The following PRR23E variants were observed in gnomAD, a reference collection of about 807,000 sequenced individuals.
PRR23E encodes the protein PRR23 family member E.
the PRR23E span, chr3:127,197,326 C>T: frequency 6.3e-7 from 1 of 1,597,984 alleles, no homozygotes. Context: ...CCCCCTTCCC[C>T]CATTGAAGAT....
chr3:127,193,638 TCCCAGG>T, the PRR23E span, among the ~76,000 whole-genome samples: 1 of 152,066 alleles, frequency 6.6e-6, no homozygotes, highest in Admixed American at 6.5e-5. Context: ...TCTGCCCAGC[TCCCAGG>T]CCCGCCCTAG....
chr3:127,197,182 C>T, the PRR23E span: 7 of 1,592,606 alleles, frequency 4.4e-6, no homozygotes, highest in South Asian at 1.1e-5. Flanking sequence ...AGCTCAGCCC[C>T]CAGGGCTGCC....
chr3:127,197,301 G>T, the PRR23E span: 1 of 1,599,268 alleles, frequency 6.3e-7, no homozygotes, highest in South Asian at 1.1e-5. Flanking sequence ...CTGCAGTTCA[G>T]AGCTCCGCCC....
At chr3:127,194,343 A>T in the PRR23E span, among the ~76,000 whole-genome samples, 1 of 152,282 alleles carries the variant, frequency 6.6e-6, no homozygotes, top group East Asian at 1.9e-4. Flanking sequence ...AAAAAAAAAA[A>T]TCATTAAAAA....
the PRR23E span, among the ~76,000 whole-genome samples, chr3:127,195,864 C>T: frequency 6.6e-6 from 1 of 152,170 alleles, no homozygotes; most frequent in South Asian, 2.1e-4. Flanking sequence ...GAAACAGCTC[C>T]AAATTTCAAG....
At chr3:127,197,324 C>T in the PRR23E span, 10 of 1,598,400 alleles carry the variant, frequency 6.3e-6, 1 homozygote, top group South Asian at 9.9e-5. Flanking sequence ...TGCCCCCTTC[C>T]CCCATTGAAG....
the PRR23E span, chr3:127,197,383 G>T: frequency 2.6e-6 from 4 of 1,556,336 alleles, no homozygotes; most frequent in African/African-American, 2.7e-5. Context: ...CGGTCACCCT[G>T]CAGGGCCCGC....
chr3:127,195,112 C>T, the PRR23E span, among the ~76,000 whole-genome samples: 1,131 of 152,240 alleles, frequency 7.4e-3, 11 homozygotes, highest in African/African-American at 0.025. Context: ...CTCCAGTTTC[C>T]GCTGTAACTG....
chr3:127,197,166 C>G, the PRR23E span: 34 of 1,591,258 alleles, frequency 2.1e-5, no homozygotes, highest in Admixed American at 5.1e-5. Flanking sequence ...ATGCTGGACT[C>G]CAGCCAGCTC....
chr3:127,196,532 T>A, the PRR23E span: 317 of 999,392 alleles, frequency 3.2e-4, no homozygotes, highest in Non-Finnish European at 3.7e-4. Flanking sequence ...CCTCCTCCCA[T>A]CCCCTCCTGT....
At chr3:127,197,331 G>A in the PRR23E span, 1 of 1,597,552 alleles carries the variant, frequency 6.3e-7, no homozygotes, top group South Asian at 1.1e-5. Context: ...TTCCCCCATT[G>A]AAGATTCTCA....
chr3:127,197,483 C>T, the PRR23E span: 7 of 1,373,320 alleles, frequency 5.1e-6, no homozygotes, highest in Non-Finnish European at 6.7e-6. Flanking sequence ...CAGCTGTGGA[C>T]TTTAAGTTTT....
At chr3:127,198,100 AG>A in the PRR23E span, 1 of 152,120 alleles carries the variant, frequency 6.6e-6, no homozygotes, top group Non-Finnish European at 1.5e-5. Context: ...TCACCCCATC[AG>A]CACCTTCTGG....
the PRR23E span, chr3:127,197,563 G>A: frequency 2.0e-6 from 1 of 510,000 alleles, no homozygotes; most frequent in Non-Finnish European, 3.1e-6. Context: ...CTCATGCAAG[G>A]CCCCTCTATT....
chr3:127,197,011 C>CCATA, the PRR23E span: 1 of 1,597,544 alleles, frequency 6.3e-7, no homozygotes, highest in Non-Finnish European at 8.5e-7. Context: ...AGGGGCGCCT[C>CCATA]CAGCTTTGAC....
the PRR23E span, among the ~76,000 whole-genome samples, chr3:127,196,071 C>T: frequency 6.6e-6 from 1 of 152,160 alleles, no homozygotes; most frequent in Admixed American, 6.5e-5. Flanking sequence ...CCTGACAGGC[C>T]TTGTGTTCAG....
chr3:127,196,758 C>T, the PRR23E span: 1 of 1,596,276 alleles, frequency 6.3e-7, no homozygotes, highest in Non-Finnish European at 8.5e-7. Flanking sequence ...CGAGGAAGCC[C>T]ACGGGACTCT....
chr3:127,195,896 C>T, the PRR23E span, among the ~76,000 whole-genome samples: 2 of 152,188 alleles, frequency 1.3e-5, no homozygotes, highest in East Asian at 1.9e-4. Context: ...GGGGGACCTT[C>T]GTTTTGGGGA....
At chr3:127,197,100 T>G in the PRR23E span, 1 of 1,598,100 alleles carries the variant, frequency 6.3e-7, no homozygotes, top group Admixed American at 1.7e-5. Flanking sequence ...ACCCACCTAC[T>G]CCTTGGCTTC....
Sources: gnomAD v4.1 joint callset for allele counts (sites outside exome capture counted in the v4.1 genomes callset) on GRCh38, gnomAD v4.1.1 for gene constraint, MANE v1.5 for transcripts, NCBI Gene and HGNC (gene_info 2026-07-23, HGNC 2026-07-21) for gene names.